The following PSD3 variants were observed in gnomAD, a reference collection of about 807,000 sequenced individuals.
PSD3 encodes pleckstrin and Sec7 domain containing 3, also known as PH and SEC7 domain-containing protein 3.
A neutral mutation model predicts 105.5 loss-of-function variants in PSD3; 49 were observed. That is an observed-to-expected ratio of 0.46 (90% CI 0.37 to 0.59). PSD3 has a LOEUF of 0.59. PSD3 is among the 20% of genes least tolerant of loss of function. The pLI is 0.00. For synonymous variants in PSD3, 557 were observed against 457.8 expected, an observed-to-expected ratio of 1.22 and a Z score of -2.77; for missense variants, 1,561 against 1,263.8, an observed-to-expected ratio of 1.24 and a Z score of -3.57.
At chr8:18,687,497 T>C (rs1459061912) in intron 9 of PSD3, among the ~76,000 whole-genome samples, 4 of 151,548 alleles carry the variant, frequency 2.6e-5, no homozygotes, top group Admixed American at 1.3e-4. Flanking sequence ...TTTTTTTTTT[T>C]CTGAAAAAAT....
intron 9 of PSD3, among the ~76,000 whole-genome samples, chr8:18,670,700 T>C (rs1359680441): frequency 6.6e-6 from 1 of 152,100 alleles, no homozygotes; most frequent in Non-Finnish European, 1.5e-5. Flanking sequence ...AGGAGGTAAA[T>C]ACATTAAGAG....
chr8:18,849,066 G>A (rs933017439), intron 4 of PSD3, among the ~76,000 whole-genome samples: 6 of 152,182 alleles, frequency 3.9e-5, no homozygotes, highest in African/African-American at 1.4e-4. Context: ...TTCTACACCT[G>A]TTGGCCATAT....
chr8:18,866,893 T>C (rs201033993), intron 4 of PSD3, among the ~76,000 whole-genome samples: 6 of 146,762 alleles, frequency 4.1e-5, no homozygotes, highest in African/African-American at 1.2e-4. Context: ...CATACATACA[T>C]ACACACACAC....
At chr8:18,833,706 T>C (rs988500522) in intron 4 of PSD3, among the ~76,000 whole-genome samples, 1 of 152,156 alleles carries the variant, frequency 6.6e-6, no homozygotes. Context: ...AATACAACAG[T>C]GTAAGACATG....
chr8:18,772,862 C>A (rs548923931), intron 8 of PSD3, among the ~76,000 whole-genome samples: 2 of 152,250 alleles, frequency 1.3e-5, no homozygotes, highest in South Asian at 4.1e-4. Flanking sequence ...AAGTATTTTT[C>A]CCCTTTTAAA....
chr8:18,563,390 C>T (rs1563325264), intron 14 of PSD3, among the ~76,000 whole-genome samples: 1 of 151,904 alleles, frequency 6.6e-6, no homozygotes, highest in Non-Finnish European at 1.5e-5. Context: ...TAGACTGTTT[C>T]CTTTGTGCTG....
intron 9 of PSD3, among the ~76,000 whole-genome samples, chr8:18,708,866 G>C (rs1802062415): frequency 6.6e-6 from 1 of 152,146 alleles, no homozygotes. Flanking sequence ...TGGCCAACCT[G>C]AGAGCCACAC....
At chr8:18,600,715 A>G (rs760784503) in intron 11 of PSD3, among the ~76,000 whole-genome samples, 5 of 152,196 alleles carry the variant, frequency 3.3e-5, no homozygotes, top group Non-Finnish European at 5.9e-5. Flanking sequence ...TGGTCCCACA[A>G]CTAGGAAGAG....
At chr8:18,652,684 G>C (rs774411018) in intron 10 of PSD3, among the ~76,000 whole-genome samples, 1 of 151,822 alleles carries the variant, frequency 6.6e-6, no homozygotes, top group African/African-American at 2.4e-5. Flanking sequence ...TTTTAGTAGA[G>C]ATGAGGTTTC....
At chr8:18,734,976 C>G (rs183286750) in intron 9 of PSD3, among the ~76,000 whole-genome samples, 154 of 152,298 alleles carry the variant, frequency 1.0e-3, no homozygotes, top group African/African-American at 3.5e-3. Context: ...GTCCTCACAT[C>G]AAAGACTGTG....
At chr8:18,963,657 A>C (rs1250376445) in intron 1 of PSD3, among the ~76,000 whole-genome samples, 3 of 152,192 alleles carry the variant, frequency 2.0e-5, no homozygotes, top group Non-Finnish European at 4.4e-5. Flanking sequence ...TAGCTGGGAG[A>C]AAATAAGAAA....
intron 1 of PSD3, among the ~76,000 whole-genome samples, chr8:18,988,109 A>AT (rs1491149073): frequency 4.1e-5 from 5 of 122,162 alleles, no homozygotes; most frequent in African/African-American, 1.3e-4. Context: ...ATAAATAAAT[A>AT]AATACATATA....
At chr8:18,637,815 G>A (rs989443823) in intron 10 of PSD3, among the ~76,000 whole-genome samples, 1 of 152,020 alleles carries the variant, frequency 6.6e-6, no homozygotes, top group Non-Finnish European at 1.5e-5. Flanking sequence ...AATCAATCTG[G>A]AAGAAAGATT....
At chr8:18,959,802 A>G (rs1452129322) in intron 1 of PSD3, among the ~76,000 whole-genome samples, 2 of 152,194 alleles carry the variant, frequency 1.3e-5, no homozygotes, top group Non-Finnish European at 2.9e-5. Context: ...CAAGGCAGAA[A>G]AGGCTGTAGT....
intron 9 of PSD3, among the ~76,000 whole-genome samples, chr8:18,672,477 G>C (rs115443880): frequency 0.025 from 3,874 of 152,204 alleles, 168 homozygotes; most frequent in African/African-American, 0.087. Flanking sequence ...TATTCAAAAC[G>C]ATCAATACAA....
chr8:18,906,451 A>C (rs982343101), intron 2 of PSD3, among the ~76,000 whole-genome samples: 7 of 152,228 alleles, frequency 4.6e-5, no homozygotes, highest in African/African-American at 1.7e-4. Context: ...GTTAGGAGCA[A>C]ACGGGTGAGG....
At position 18,978,654 on chromosome 8, in the gene PSD3, T is replaced by C. The variant is rs116729037; in HGVS notation, c.21+34909A>G. Among the ~76,000 whole-genome samples, 302 of 152,252 alleles carry C rather than the reference T, an allele frequency of 2.0e-3. 1 individual carries two copies. Among genetic ancestry groups the C allele is most frequent in the African/African-American group, 6.9e-3 (287 of 41,532 alleles). ...AATGAGGAGGAGCCAGTGGCAGGTA[T>C]AGAATGTTCCCACACCTCAACCACT... On this transcript the variant is annotated intron_variant, in intron 1 of 15. Coordinates refer to ENST00000327040, the MANE Select transcript of PSD3 (RefSeq NM_015310.4).
intron 9 of PSD3, among the ~76,000 whole-genome samples, chr8:18,703,459 G>A (rs1281583438): frequency 6.6e-6 from 1 of 152,202 alleles, no homozygotes; most frequent in Non-Finnish European, 1.5e-5. Flanking sequence ...GTTGGACTCT[G>A]AGGGGATCAA....
intron 10 of PSD3, among the ~76,000 whole-genome samples, chr8:18,643,302 T>C (rs1382266112): frequency 6.6e-6 from 1 of 152,202 alleles, no homozygotes; most frequent in Non-Finnish European, 1.5e-5. Context: ...AAGCACCTCT[T>C]ATGAAGCCTT....
Sources: gnomAD v4.1 joint callset for allele counts (sites outside exome capture counted in the v4.1 genomes callset) on GRCh38, gnomAD v4.1.1 for gene constraint, MANE v1.5 for transcripts, NCBI Gene and HGNC (gene_info 2026-07-23, HGNC 2026-07-21) for gene names.